The following BORCS5 variants were observed in gnomAD, a reference collection of about 807,000 sequenced individuals.
BORCS5 encodes the protein BLOC-1-related complex subunit 5.
A neutral mutation model predicts 22.1 loss-of-function variants in BORCS5; 17 were observed. That is an observed-to-expected ratio of 0.77 (90% CI 0.53 to 1.15). BORCS5 has a LOEUF of 1.15. Among genes scored for constraint, BORCS5 ranks in the 50% most tolerant of loss-of-function variants. The pLI is 0.00. For missense variants in BORCS5, 247 were observed against 253.2 expected (o/e 0.98, Z 0.17); for synonymous variants, 117 against 99.8 (o/e 1.17, Z -1.03).
intron 2 of BORCS5, among the ~76,000 whole-genome samples, chr12:12,422,305 A>C (rs947866643): frequency 5.3e-5 from 8 of 151,978 alleles, no homozygotes; most frequent in African/African-American, 1.9e-4. Context: ...TTTTAAGTGA[A>C]AACAAGTTTA....
intron 2 of BORCS5, among the ~76,000 whole-genome samples, chr12:12,388,347 C>A (rs1054949516): frequency 6.6e-6 from 1 of 151,242 alleles, no homozygotes; most frequent in Non-Finnish European, 1.5e-5. Flanking sequence ...AGTAATGATT[C>A]TAAGACCTGC....
rs958303027 is a variant in BORCS5, at chr12:12,396,562, T to C, written c.202+35213T>C. 5.3e-5 allele frequency among the ~76,000 whole-genome samples: 8 copies of C among 152,018 alleles called. No individual in the cohort carries two copies. The East Asian group carries it at 1.5e-3, about 29-fold the overall frequency. On this transcript the variant is annotated intron_variant, in intron 2 of 3. Transcript: ENST00000314565. Reference sequence around the variant, plus strand: ...AATGCAGTATTACAGTCATGGCAAATGTCACCGTACTGATGTGCTTAACAT... The same window carrying C: ...AATGCAGTATTACAGTCATGGCAAACGTCACCGTACTGATGTGCTTAACAT...
At chr12:12,379,315 A>T (rs1044147660) in intron 2 of BORCS5, among the ~76,000 whole-genome samples, 1 of 150,604 alleles carries the variant, frequency 6.6e-6, no homozygotes, top group Non-Finnish European at 1.5e-5. Flanking sequence ...TGGTTTCACC[A>T]TGTTAGCCGG....
intron 2 of BORCS5, among the ~76,000 whole-genome samples, chr12:12,397,231 C>T (rs1223915874): frequency 6.6e-6 from 1 of 152,146 alleles, no homozygotes; most frequent in East Asian, 1.9e-4. Context: ...AATGCCCTGT[C>T]CTAAAGTATT....
chr12:12,435,161 T>C (rs188009783), intron 2 of BORCS5, among the ~76,000 whole-genome samples: 1 of 152,358 alleles, frequency 6.6e-6, no homozygotes. Flanking sequence ...TGTATACATT[T>C]GATTTCTTTT....
intron 2 of BORCS5, among the ~76,000 whole-genome samples, chr12:12,433,270 A>T (rs1412552816): frequency 7.3e-6 from 1 of 136,888 alleles, no homozygotes; most frequent in Non-Finnish European, 1.5e-5. Context: ...CAGTGAGCTG[A>T]GGAGATCATT....
chr12:12,365,569 A>T (rs1488374893), intron 2 of BORCS5, among the ~76,000 whole-genome samples: 1 of 151,868 alleles, frequency 6.6e-6, no homozygotes, highest in Non-Finnish European at 1.5e-5. Context: ...TGAATCTAGA[A>T]ATGACAACAT....
intron 2 of BORCS5, among the ~76,000 whole-genome samples, chr12:12,417,761 A>T (rs538820636): frequency 6.6e-6 from 1 of 151,826 alleles, no homozygotes; most frequent in African/African-American, 2.4e-5. Context: ...TTGATCCTCC[A>T]TCTCAGCCTC....
intron 3 of BORCS5, among the ~76,000 whole-genome samples, chr12:12,455,696 T>A (rs1391811343): frequency 6.6e-6 from 1 of 151,852 alleles, no homozygotes; most frequent in Non-Finnish European, 1.5e-5. Context: ...GGAGAATTGC[T>A]TCAACCCAGG....
intron 2 of BORCS5, among the ~76,000 whole-genome samples, chr12:12,373,342 C>G (rs1201320465): frequency 1.3e-5 from 2 of 152,192 alleles, no homozygotes; most frequent in African/African-American, 2.4e-5. Context: ...TTGTAGCAGC[C>G]TGTACCGACC....
intron 2 of BORCS5, among the ~76,000 whole-genome samples, chr12:12,382,569 C>T (rs1317960276): frequency 2.1e-5 from 3 of 142,002 alleles, no homozygotes; most frequent in Admixed American, 1.4e-4. Flanking sequence ...AAGTCTTGCT[C>T]GACAGGCTGC....
intron 2 of BORCS5, among the ~76,000 whole-genome samples, chr12:12,391,610 A>G (rs1941186551): frequency 6.6e-6 from 1 of 150,580 alleles, no homozygotes; most frequent in African/African-American, 2.4e-5. Context: ...CTGGTCTCGA[A>G]CTCCTGACCT....
chr12:12,383,554 A>G (rs2136047127), intron 2 of BORCS5, among the ~76,000 whole-genome samples: 1 of 150,594 alleles, frequency 6.6e-6, no homozygotes, highest in Admixed American at 6.6e-5. Flanking sequence ...AATGTTACAA[A>G]TTCACTAGCA....
intron 2 of BORCS5, among the ~76,000 whole-genome samples, chr12:12,372,093 G>A (rs1189727115): frequency 6.6e-6 from 1 of 152,184 alleles, no homozygotes; most frequent in Non-Finnish European, 1.5e-5. Flanking sequence ...AGGCTGGAGT[G>A]CAATGGCACG....
In BORCS5 at chr12:12,435,776, A is replaced by C. The variant is rs1269926806; in HGVS notation, c.351A>C (p.Arg117=). The C allele has an allele frequency of 6.2e-7, 1 of 1,611,632 alleles. No homozygotes were observed. The highest frequency in any genetic ancestry group is 1.3e-5 in the African/African-American group (1 of 74,930). Residue 117 remains arginine (R), a synonymous_variant, in exon 3 of 4, where the codon CGA becomes CGC. Transcript: ENST00000314565. The stretch of plus-strand genomic sequence containing the variant: ...TTGACCAGAATGCTTTGGTTAAACG[A>C]ATCAAAGAGGTAATGTGCTGCGGGA... ...VAFDQNALVK[R]IKEMDLSVET...
At chr12:12,395,267 T>A (rs1941306625) in intron 2 of BORCS5, among the ~76,000 whole-genome samples, 1 of 150,792 alleles carries the variant, frequency 6.6e-6, no homozygotes, top group Admixed American at 6.6e-5. Flanking sequence ...ATGAGACAAT[T>A]ATTATTATTA....
intron 2 of BORCS5, among the ~76,000 whole-genome samples, chr12:12,391,294 TAAATA>T (rs961075060): frequency 2.0e-5 from 3 of 152,048 alleles, no homozygotes; most frequent in African/African-American, 7.3e-5. Flanking sequence ...GGACTGGACT[TAAATA>T]AAGAGGTAGA....
intron 2 of BORCS5, among the ~76,000 whole-genome samples, chr12:12,379,297 C>G (rs2136041702): frequency 6.6e-6 from 1 of 150,482 alleles, no homozygotes; most frequent in South Asian, 2.1e-4. Flanking sequence ...ATTTTTGTAT[C>G]TTTAGTATGG....
intron 2 of BORCS5, among the ~76,000 whole-genome samples, chr12:12,418,771 C>G (rs1441779823): frequency 6.6e-6 from 1 of 152,112 alleles, no homozygotes. Flanking sequence ...TAAATTGAGT[C>G]TCTAGTAGAC....
Sources: allele counts gnomAD v4.1 joint callset (sites outside exome capture counted in the v4.1 genomes callset), GRCh38; gene constraint gnomAD v4.1.1; transcripts MANE v1.5; gene names NCBI Gene and HGNC (gene_info 2026-07-23, HGNC 2026-07-21).